The following PRIM2 variants were observed in gnomAD, a reference collection of about 807,000 sequenced individuals.
The protein encoded by PRIM2 is DNA primase large subunit.
In PRIM2, 39 loss-of-function variants were observed where a neutral mutation model predicts 67.3. That is an observed-to-expected ratio of 0.58 (90% CI 0.45 to 0.76). The LOEUF (loss-of-function observed/expected upper bound fraction) is 0.76. Ranked by LOEUF, PRIM2 falls within the 30% of genes least tolerant of loss-of-function variation. The probability of loss-of-function intolerance (pLI) is 0.00; values close to 1 mark genes in which losing one functional copy is unlikely to be tolerated. For missense variants in PRIM2, 398 were observed against 598.7 expected (o/e 0.66, Z 3.50); for synonymous variants, 143 against 198.7 (o/e 0.72, Z 2.36).
intron 7 of PRIM2, among the ~76,000 whole-genome samples, chr6:57,449,993 T>C (rs1772489384): frequency 6.6e-6 from 1 of 152,190 alleles, no homozygotes; most frequent in Non-Finnish European, 1.5e-5. Flanking sequence ...AACTCAGTTT[T>C]GTTTCATTTA....
At chr6:57,637,632 G>A (rs2127500702) in intron 13 of PRIM2, among the ~76,000 whole-genome samples, 1 of 152,222 alleles carries the variant, frequency 6.6e-6, no homozygotes, top group Non-Finnish European at 1.5e-5. Context: ...TAGTCGAATT[G>A]ACAAGCGGAA....
At chr6:57,478,529 C>G (rs1246479927) in intron 7 of PRIM2, among the ~76,000 whole-genome samples, 1 of 151,998 alleles carries the variant, frequency 6.6e-6, no homozygotes, top group East Asian at 1.9e-4. Context: ...TTGATACATA[C>G]AAAAACACAT....
At chr6:57,328,004 A>C (rs143344650) in intron 5 of PRIM2, among the ~76,000 whole-genome samples, 2 of 152,152 alleles carry the variant, frequency 1.3e-5, no homozygotes, top group Non-Finnish European at 2.9e-5. Context: ...TCGCACTCCT[A>C]TAAGAATCTA....
intron 7 of PRIM2, among the ~76,000 whole-genome samples, chr6:57,413,358 A>C (rs2127365722): frequency 6.6e-6 from 1 of 152,040 alleles, no homozygotes; most frequent in Non-Finnish European, 1.5e-5. Flanking sequence ...TAACTTTTCC[A>C]TAGTAGGTAA....
intron 4 of PRIM2, 144 bp from the exon 5 acceptor site, chr6:57,325,781 C>T: frequency 2.7e-6 from 2 of 734,124 alleles, no homozygotes; most frequent in South Asian, 3.7e-5. Context: ...TGATATTCTC[C>T]TTACCGTGAT....
chr6:57,532,334 A>C (rs1397658704), intron 8 of PRIM2, 77 bp from the exon 9 acceptor site: 24 of 548,306 alleles, frequency 4.4e-5, no homozygotes, highest in Non-Finnish European at 4.7e-5. Flanking sequence ...TCATTTTCAG[A>C]ATTTAAAAAA....
At chr6:57,559,031 G>T (rs1775576123) in intron 10 of PRIM2, among the ~76,000 whole-genome samples, 2 of 151,832 alleles carry the variant, frequency 1.3e-5, no homozygotes. Context: ...CAGCTATTTG[G>T]GAGGCTGAGA....
intron 10 of PRIM2, among the ~76,000 whole-genome samples, chr6:57,590,443 G>C (rs1279178490): frequency 1.3e-5 from 2 of 152,252 alleles, no homozygotes; most frequent in African/African-American, 4.8e-5. Flanking sequence ...GCATGCGCAA[G>C]TGGGGATTCC....
chr6:57,511,552 T>C (rs1554347717), intron 8 of PRIM2, among the ~76,000 whole-genome samples: 2 of 152,210 alleles, frequency 1.3e-5, no homozygotes, highest in Non-Finnish European at 2.9e-5. Flanking sequence ...CTTAAGTAAT[T>C]GGGCCATAAC....
In PRIM2 at chr6:57,615,825, T is replaced by G. The variant is rs1190760214; in HGVS notation, c.1230+9368T>G. On this transcript the variant is annotated intron_variant, in intron 12 of 13. Transcript: ENST00000615550. Reference sequence around the variant, plus strand: ...AGGAAGCTCGCTTGAGCCTAGTAATTGTTACAGTGAGCTATAATTGTGCCA... The same window carrying G: ...AGGAAGCTCGCTTGAGCCTAGTAATGGTTACAGTGAGCTATAATTGTGCCA... Among the ~76,000 whole-genome samples, 3 of 152,290 alleles carry G rather than the reference T, an allele frequency of 2.0e-5. No individual in the cohort carries two copies. The East Asian group carries it at 5.8e-4, about 29-fold the overall frequency.
At chr6:57,331,931 C>T (rs1296613450) in intron 5 of PRIM2, among the ~76,000 whole-genome samples, 3 of 151,222 alleles carry the variant, frequency 2.0e-5, no homozygotes, top group Non-Finnish European at 2.9e-5. Flanking sequence ...TATTTCCTTC[C>T]TTCTGCTTGC....
chr6:57,489,094 A>G (rs1307091532), intron 7 of PRIM2, among the ~76,000 whole-genome samples: 330 of 152,364 alleles, frequency 2.2e-3, no homozygotes, highest in African/African-American at 7.6e-3. Flanking sequence ...CAGGCTGCAC[A>G]TGAGTGGGCT....
the PRIM2 span, among the ~76,000 whole-genome samples, chr6:57,308,510 T>A: frequency 6.6e-6 from 1 of 152,222 alleles, no homozygotes; most frequent in Non-Finnish European, 1.5e-5. Flanking sequence ...TTTTTTGATG[T>A]CTACGCTCAA....
chr6:57,418,544 G>A (rs1174742420), intron 7 of PRIM2, among the ~76,000 whole-genome samples: 2 of 150,938 alleles, frequency 1.3e-5, no homozygotes, highest in African/African-American at 4.9e-5. Context: ...CTACAGGCGC[G>A]TGCCACCACG....
At chr6:57,641,090 C>G (rs1388330461) in intron 13 of PRIM2, among the ~76,000 whole-genome samples, 4 of 152,176 alleles carry the variant, frequency 2.6e-5, no homozygotes, top group Non-Finnish European at 5.9e-5. Context: ...TGCCACAGAT[C>G]TACAACCTTC....
intron 7 of PRIM2, among the ~76,000 whole-genome samples, chr6:57,494,518 C>T (rs1243409321): frequency 3.9e-5 from 6 of 152,046 alleles, no homozygotes; most frequent in African/African-American, 1.4e-4. Context: ...TACTAGGTGA[C>T]CTAAGTTAAC....
chr6:57,615,280 G>A (rs1417516588), intron 12 of PRIM2, among the ~76,000 whole-genome samples: 5 of 151,942 alleles, frequency 3.3e-5, no homozygotes, highest in African/African-American at 4.8e-5. Flanking sequence ...TTAGCCAGGC[G>A]TCGAGGCATG....
At chr6:57,233,909 C>T in the PRIM2 span, among the ~76,000 whole-genome samples, 2 of 152,060 alleles carry the variant, frequency 1.3e-5, no homozygotes, top group African/African-American at 2.4e-5. Context: ...GTGATCCTCC[C>T]GCCTTGGCCT....
chr6:57,284,299 A>G, the PRIM2 span, among the ~76,000 whole-genome samples: 2 of 152,190 alleles, frequency 1.3e-5, no homozygotes, highest in Non-Finnish European at 2.9e-5. Flanking sequence ...TACAATTGCC[A>G]AGTTTGGTCT....
Sources: gnomAD v4.1 joint callset for allele counts (sites outside exome capture counted in the v4.1 genomes callset) on GRCh38, gnomAD v4.1.1 for gene constraint, MANE v1.5 for transcripts, NCBI Gene and HGNC (gene_info 2026-07-23, HGNC 2026-07-21) for gene names.